The following CFAP299 variants were observed in gnomAD, a reference collection of about 807,000 sequenced individuals.
CFAP299 encodes the protein cilia- and flagella-associated protein 299.
CFAP299 carries 21 observed loss-of-function variants against 27.0 expected under a neutral mutation model. The observed-to-expected ratio is 0.78, with a 90% CI of 0.55 to 1.12. The LOEUF (loss-of-function observed/expected upper bound fraction) is 1.12, where lower values mean the gene tolerates loss of function less well. Among genes scored for constraint, CFAP299 ranks in the 50% most tolerant of loss-of-function variants. CFAP299 has a pLI of 0.00. For missense variants in CFAP299, 310 were observed against 276.6 expected (o/e 1.12, Z -0.86); for synonymous variants, 104 against 98.1 (o/e 1.06, Z -0.36).
intron 3 of CFAP299, among the ~76,000 whole-genome samples, chr4:80,659,997 A>G (rs1740756447): frequency 2.6e-5 from 4 of 152,162 alleles, no homozygotes; most frequent in Admixed American, 2.6e-4. Flanking sequence ...TCTTGTAATG[A>G]AGTAATTAGA....
chr4:80,828,086 G>A (rs147962335), intron 3 of CFAP299, among the ~76,000 whole-genome samples: 56 of 152,078 alleles, frequency 3.7e-4, no homozygotes, highest in African/African-American at 6.0e-4. Flanking sequence ...TTCATGGAGC[G>A]AAAGACAGTA....
intron 1 of CFAP299, among the ~76,000 whole-genome samples, chr4:80,354,219 A>G (rs1723150594): frequency 6.6e-6 from 1 of 152,198 alleles, no homozygotes; most frequent in Non-Finnish European, 1.5e-5. Context: ...TTAGGATTTC[A>G]TATCATTTTC....
At position 80,700,547 on chromosome 4, in the gene CFAP299, T is replaced by C. The variant is rs562717279; in HGVS notation, c.333+117364T>C. On this transcript the variant is annotated intron_variant, in intron 3 of 5. Transcript: ENST00000358105. The stretch of plus-strand genomic sequence containing the variant: ...GGCCACTCGTGTATCTAAGTAGCAG[T>C]ATACAGCAAGCTATAACTGGAGCTC... Among the ~76,000 whole-genome samples, 4 of 152,168 alleles carry C rather than the reference T, an allele frequency of 2.6e-5. 1 individual carries two copies. In the South Asian group the frequency reaches 8.3e-4, roughly 32 times the overall value.
intron 2 of CFAP299, among the ~76,000 whole-genome samples, chr4:80,581,860 A>C (rs949096462): frequency 1.7e-4 from 26 of 151,888 alleles, no homozygotes; most frequent in Non-Finnish European, 2.8e-4. Flanking sequence ...TCCTTGCATT[A>C]GACCCTTTTG....
At chr4:80,743,736 T>C (rs1431074743) in intron 3 of CFAP299, among the ~76,000 whole-genome samples, 2 of 152,188 alleles carry the variant, frequency 1.3e-5, no homozygotes, top group African/African-American at 2.4e-5. Flanking sequence ...AAAACCTAGA[T>C]GATGGGTTGA....
At chr4:80,727,616 TAA>T (rs1486094047) in intron 3 of CFAP299, among the ~76,000 whole-genome samples, 12 of 152,194 alleles carry the variant, frequency 7.9e-5, no homozygotes, top group African/African-American at 2.9e-4. Context: ...ATAGGAATGT[TAA>T]GAGGTAAAGT....
intron 2 of CFAP299, among the ~76,000 whole-genome samples, chr4:80,563,405 T>C (rs1735133348): frequency 6.6e-6 from 1 of 152,082 alleles, no homozygotes; most frequent in Non-Finnish European, 1.5e-5. Flanking sequence ...TTTTGGAAAC[T>C]ATACAAATAC....
At chr4:80,359,017 G>C (rs1723412642) in intron 1 of CFAP299, among the ~76,000 whole-genome samples, 1 of 152,012 alleles carries the variant, frequency 6.6e-6, no homozygotes, top group Non-Finnish European at 1.5e-5. Flanking sequence ...AGGTCTGGTT[G>C]TAACAAATTC....
intron 4 of CFAP299, chr4:80,872,369 T>C (rs1177976731): frequency 6.6e-6 from 1 of 152,144 alleles, no homozygotes; most frequent in South Asian, 2.1e-4. Context: ...TAATGGTGAA[T>C]CTATAATTAT....
chr4:80,816,702 C>T (rs1017361085), intron 3 of CFAP299, among the ~76,000 whole-genome samples: 1 of 152,122 alleles, frequency 6.6e-6, no homozygotes, highest in African/African-American at 2.4e-5. Flanking sequence ...GACCCATTCA[C>T]ATAAAGCATG....
intron 3 of CFAP299, among the ~76,000 whole-genome samples, chr4:80,858,205 G>T (rs1468566293): frequency 6.6e-6 from 1 of 152,102 alleles, no homozygotes; most frequent in African/African-American, 2.4e-5. Flanking sequence ...AGAGGTGTTT[G>T]TAGTATTCTC....
intron 2 of CFAP299, among the ~76,000 whole-genome samples, chr4:80,559,447 T>C (rs556118984): frequency 7.3e-4 from 111 of 152,214 alleles, no homozygotes; most frequent in African/African-American, 2.5e-3. Flanking sequence ...TCACCCATAG[T>C]CTCTTCGCCA....
chr4:80,786,547 C>T (rs914360559), intron 3 of CFAP299, among the ~76,000 whole-genome samples: 2 of 151,976 alleles, frequency 1.3e-5, no homozygotes, highest in African/African-American at 4.8e-5. Flanking sequence ...AAAGTTTGGC[C>T]AAACCTAAAT....
In CFAP299 at chr4:80,362,603, T is replaced by C. The variant is rs1218951324; in HGVS notation, c.112-151T>C. 6.5e-6 allele frequency: 5 copies of C among 765,330 alleles called. No individual in the cohort carries two copies. The African/African-American group carries it at 7.2e-5, about 11-fold the overall frequency. The allele number at this position is 765,330 out of a possible 1,614,324, so 47.4% of individuals were successfully genotyped here. ...TATTAGAAAAATTCTAGTTTTTTTA[T>C]ATCTAATAGATCATGTCTAGTTTTT... On this transcript the variant is annotated intron_variant, in intron 1 of 5. Transcript: ENST00000358105.
At chr4:80,578,361 A>T (rs764177228) in intron 2 of CFAP299, among the ~76,000 whole-genome samples, 15 of 152,290 alleles carry the variant, frequency 9.8e-5, no homozygotes, top group Non-Finnish European at 1.8e-4. Context: ...TCTTGCTAAG[A>T]AGTTTCAGGT....
At chr4:80,954,553 T>C (rs1374973920) in intron 5 of CFAP299, among the ~76,000 whole-genome samples, 3 of 152,254 alleles carry the variant, frequency 2.0e-5, no homozygotes, top group Non-Finnish European at 2.9e-5. Flanking sequence ...TTTTCTCAAA[T>C]AGCTGAAGCA....
intron 2 of CFAP299, among the ~76,000 whole-genome samples, chr4:80,372,124 A>G (rs1249848227): frequency 1.3e-5 from 2 of 152,180 alleles, no homozygotes; most frequent in African/African-American, 4.8e-5. Context: ...GACCTCAGGA[A>G]ACTTACAATC....
At chr4:80,800,193 T>TATATA (rs1162249166) in intron 3 of CFAP299, among the ~76,000 whole-genome samples, 1 of 72,218 alleles carries the variant, frequency 1.4e-5, no homozygotes, top group African/African-American at 5.7e-5. Flanking sequence ...TATGTAATAC[T>TATATA]ATATAATATA....
intron 3 of CFAP299, among the ~76,000 whole-genome samples, chr4:80,775,928 G>A (rs966081280): frequency 6.6e-6 from 1 of 152,100 alleles, no homozygotes; most frequent in Non-Finnish European, 1.5e-5. Flanking sequence ...ACAATTTGAT[G>A]CCATTTGAGG....
Sources: gnomAD v4.1 joint callset for allele counts (sites outside exome capture counted in the v4.1 genomes callset) on GRCh38, gnomAD v4.1.1 for gene constraint, MANE v1.5 for transcripts, NCBI Gene and HGNC (gene_info 2026-07-23, HGNC 2026-07-21) for gene names.